The following KCNIP4 variants were observed in gnomAD, a reference collection of about 807,000 sequenced individuals.
The protein encoded by KCNIP4 is potassium voltage-gated channel interacting protein 4, also known as Kv channel-interacting protein 4.
Under a neutral mutation model 34.0 loss-of-function variants are expected in KCNIP4, and 12 were observed. That is an observed-to-expected ratio of 0.35 (90% confidence interval 0.23 to 0.57). The LOEUF (loss-of-function observed/expected upper bound fraction) is 0.57. Among genes scored for constraint, KCNIP4 ranks in the 20% least tolerant of loss-of-function variants. KCNIP4 has a pLI of 0.83. For synonymous variants in KCNIP4, 124 were observed against 102.2 expected (o/e 1.21, Z -1.29); for missense variants, 238 against 311.7 (o/e 0.76, Z 1.78).
chr4:21,020,417 T>C (rs1739932331), intron 1 of KCNIP4, among the ~76,000 whole-genome samples: 1 of 152,182 alleles, frequency 6.6e-6, no homozygotes, highest in Admixed American at 6.5e-5. Context: ...CAAGCATCTT[T>C]AGCGATATGC....
At chr4:20,984,155 C>G (rs79736481) in intron 1 of KCNIP4, 7 of 576,242 alleles carry the variant, frequency 1.2e-5, no homozygotes, top group Admixed American at 6.6e-5. Context: ...GGGCTTCCCC[C>G]CTGCTACCAC....
At chr4:21,837,491 G>A (rs62301386) in intron 1 of KCNIP4, among the ~76,000 whole-genome samples, 50,136 of 134,532 alleles carry the variant, frequency 0.37, 10,253 homozygotes, top group East Asian at 0.64. Flanking sequence ...CTGAGATAGC[G>A]CCATTGCACT....
intron 1 of KCNIP4, among the ~76,000 whole-genome samples, chr4:21,519,460 ATG>A (rs1167992627): frequency 1.5e-5 from 1 of 68,368 alleles, no homozygotes. Flanking sequence ...ATATACACAT[ATG>A]TGTGTATGTG....
chr4:21,386,532 T>G (rs771775968), intron 1 of KCNIP4, among the ~76,000 whole-genome samples: 1 of 152,202 alleles, frequency 6.6e-6, no homozygotes, highest in African/African-American at 2.4e-5. Context: ...AAATTCTCAA[T>G]GCATTTGTTA....
chr4:21,743,312 C>T (rs1302607909), intron 1 of KCNIP4, among the ~76,000 whole-genome samples: 2 of 152,060 alleles, frequency 1.3e-5, no homozygotes, highest in Non-Finnish European at 2.9e-5. Flanking sequence ...CACCCACATT[C>T]CTTGGCTCAT....
chr4:21,434,461 G>C (rs1726770413), intron 1 of KCNIP4, among the ~76,000 whole-genome samples: 3 of 152,060 alleles, frequency 2.0e-5, no homozygotes, highest in Admixed American at 2.0e-4. Context: ...TTAGCATCAT[G>C]TAACATTTGA....
At chr4:21,112,025 GTATCTATCTATCTATCTATC>G (rs34396290) in intron 1 of KCNIP4, among the ~76,000 whole-genome samples, 58 of 114,730 alleles carry the variant, frequency 5.1e-4, no homozygotes, top group Non-Finnish European at 8.8e-4. Flanking sequence ...TCCTTTCTCT[GTATCTATCTATCTATCTATC>G]TATCTATCTA....
At position 21,613,027 on chromosome 4, in the gene KCNIP4, A is replaced by T. The variant is rs1304879694; in HGVS notation, c.61+335544T>A. ...AAAAAGGCCCTGTTCATATTCTGAG[A>T]CCCTGGTTTCATCAGTCTAATCTTG... On this transcript the variant is annotated intron_variant, in intron 1 of 8. Transcript: ENST00000382152. 9.9e-5 allele frequency among the ~76,000 whole-genome samples: 15 copies of T among 152,166 alleles called. No homozygotes were observed. In the East Asian group the frequency reaches 2.9e-3, roughly 29 times the overall value.
intron 1 of KCNIP4, among the ~76,000 whole-genome samples, chr4:21,391,539 T>C (rs1425934551): frequency 6.6e-6 from 1 of 152,124 alleles, no homozygotes. Flanking sequence ...GATGCTCCCC[T>C]AACGTGGAGA....
intron 1 of KCNIP4, among the ~76,000 whole-genome samples, chr4:21,859,115 C>T (rs1724917813): frequency 6.6e-6 from 1 of 152,146 alleles, no homozygotes; most frequent in Non-Finnish European, 1.5e-5. Flanking sequence ...AAAAGAGTAA[C>T]TGTGAGTAAC....
intron 3 of KCNIP4, among the ~76,000 whole-genome samples, chr4:20,765,297 A>C (rs1333385822): frequency 6.6e-6 from 1 of 152,136 alleles, no homozygotes; most frequent in Non-Finnish European, 1.5e-5. Context: ...GACTGAAAAC[A>C]TAGTCTCCTG....
At chr4:21,618,781 C>T (rs1229990142) in intron 1 of KCNIP4, among the ~76,000 whole-genome samples, 1 of 151,268 alleles carries the variant, frequency 6.6e-6, no homozygotes, top group African/African-American at 2.4e-5. Flanking sequence ...TACAGGTGCC[C>T]GCCACCACGC....
chr4:20,964,475 A>G (rs1487754872), intron 1 of KCNIP4, among the ~76,000 whole-genome samples: 1 of 152,210 alleles, frequency 6.6e-6, no homozygotes, highest in African/African-American at 2.4e-5. Context: ...GCAACATTCA[A>G]AGAAAGTGCA....
rs561123163 is a variant in KCNIP4 at position 21,804,135 on chromosome 4, TTGAATG to T, written c.61+144430_61+144435del. Among the ~76,000 whole-genome samples, 14 of 152,344 alleles carry T rather than the reference TTGAATG, an allele frequency of 9.2e-5. No individual in the cohort carries two copies. In the South Asian group the frequency reaches 2.9e-3, roughly 32 times the overall value. On this transcript the variant is annotated intron_variant, in intron 1 of 8. Transcript: ENST00000382152. ...GGGGACTGTGAATTGGATTTTTCTG[TTGAATG>T]CTGAAAAGCAAGGCCAATTCTATGA...
chr4:21,189,626 A>G (rs2109343786), intron 1 of KCNIP4, among the ~76,000 whole-genome samples: 1 of 152,106 alleles, frequency 6.6e-6, no homozygotes, highest in African/African-American at 2.4e-5. Context: ...AGCAAAGCAC[A>G]TTTGCACTTG....
At chr4:20,755,220 A>G (rs917608271) in intron 4 of KCNIP4, among the ~76,000 whole-genome samples, 2 of 152,190 alleles carry the variant, frequency 1.3e-5, no homozygotes, top group African/African-American at 4.8e-5. Flanking sequence ...TTAGAATTCT[A>G]ATTTAATTCT....
chr4:21,643,867 TGATGATA>T (rs532851676), intron 1 of KCNIP4, among the ~76,000 whole-genome samples: 10,092 of 128,268 alleles, frequency 0.079, 388 homozygotes, highest in African/African-American at 0.12. Context: ...GTGATGATGA[TGATGATA>T]GATAGATAGA....
chr4:21,012,117 C>A (rs1355211071), intron 1 of KCNIP4, among the ~76,000 whole-genome samples: 3 of 152,220 alleles, frequency 2.0e-5, no homozygotes, highest in African/African-American at 7.2e-5. Context: ...CATTCCACCA[C>A]TCCAATAGGA....
chr4:21,307,570 G>C (rs1712625015), intron 1 of KCNIP4, among the ~76,000 whole-genome samples: 1 of 152,154 alleles, frequency 6.6e-6, no homozygotes, highest in Non-Finnish European at 1.5e-5. Flanking sequence ...TGTTTGTCTT[G>C]TTCAATATAA....
Sources: allele counts gnomAD v4.1 joint callset (sites outside exome capture counted in the v4.1 genomes callset), GRCh38; gene constraint gnomAD v4.1.1; transcripts MANE v1.5; gene names NCBI Gene and HGNC (gene_info 2026-07-23, HGNC 2026-07-21).